The following COL2A1 variants were observed in gnomAD, a reference collection of about 807,000 sequenced individuals.
The protein encoded by COL2A1 is collagen alpha-1(II) chain.
In COL2A1, 28 loss-of-function variants were observed where a neutral mutation model predicts 204.5. That is an observed-to-expected ratio of 0.14 (90% CI 0.10 to 0.19). The LOEUF is 0.19. COL2A1 is among the 10% of genes least tolerant of loss of function. The pLI is 1.00. For synonymous variants in COL2A1, 708 were observed against 718.7 expected (o/e 0.99, Z 0.24); for missense variants, 1,388 against 2,027.5 (o/e 0.68, Z 6.06).
chr12:47,992,852 G>A, intron 16 of COL2A1, 26 bp downstream of exon 16: 1 of 1,613,078 alleles, frequency 6.2e-7, no homozygotes, highest in Non-Finnish European at 8.5e-7. Context: ...GGCAAATGGT[G>A]GTGTTTGGCT....
At chr12:47,986,736 T>C in intron 22 of COL2A1, 99 bp downstream of exon 22, 1 of 1,368,320 alleles carries the variant, frequency 7.3e-7, no homozygotes. Flanking sequence ...GATTGGGGGA[T>C]AGAGCCCTGG....
Position 47,984,031 on chromosome 12 carries a change from C to A in COL2A1, c.1941+56G>T. The A allele has an allele frequency of 2.0e-6, 3 of 1,489,606 alleles. No individual in the cohort carries two copies. In the South Asian group the frequency reaches 3.6e-5, roughly 18 times the overall value. The allele number at this position is 1,489,606 out of a possible 1,614,324, so 92.3% of individuals were successfully genotyped here. On this transcript the variant is annotated intron_variant, in intron 29 of 53. Transcript: ENST00000380518. The stretch of plus-strand genomic sequence containing the variant: ...ATTAATGGATGGGCTCTCCCACCCC[C>A]ACCCCTCCCAGCCCCTGCCCCCAGG...
At position 47,993,463 on chromosome 12, in the gene COL2A1, G is replaced by A. The variant is rs200696675; in HGVS notation, c.964C>T (p.Pro322Ser). The change falls in exon 15 of 54, where the codon CCA becomes TCA. Residue 322 changes from proline (P) to serine (S), a missense_variant. Coordinates refer to ENST00000380518, the MANE Select transcript of COL2A1 (RefSeq NM_001844.5). ...TGGAGGGTGTCCATACTTACCATTG[G>A]GCCCGGAGATCCGTTCTCACCCGGG... is the stretch of plus-strand genomic sequence containing the variant. ...GSPGENGSPG[P>S]MGPRGLPGER... 5.1e-5 allele frequency: 82 copies of A among 1,612,708 alleles called. No homozygotes were observed. Among genetic ancestry groups the A allele is most frequent in the Non-Finnish European group, 4.2e-5 (49 of 1,178,850 alleles).
At chr12:47,996,662 G>A (rs1939979634) in intron 7 of COL2A1, 37 bp from the exon 8 acceptor site, 1 of 1,563,472 alleles carries the variant, frequency 6.4e-7, no homozygotes, top group African/African-American at 1.4e-5. Flanking sequence ...AGGTTGAAAG[G>A]CACTAGGTCT....
intron 44 of COL2A1, 28 bp downstream of exon 44, chr12:47,977,982 G>A (rs761456730): frequency 7.5e-6 from 12 of 1,597,214 alleles, no homozygotes; most frequent in Non-Finnish European, 9.4e-6. Context: ...CCCCAATCAG[G>A]GCCACCCCAG....
chr12:48,004,194 G>A, intron 1 of COL2A1, 43 bp downstream of exon 1: 3 of 1,352,032 alleles, frequency 2.2e-6, no homozygotes, highest in Non-Finnish European at 1.0e-6. Flanking sequence ...GCTGAGGGAC[G>A]CATGGAAAGC....
intron 32 of COL2A1, 41 bp from the exon 33 acceptor site, chr12:47,982,987 G>T (rs372792172): frequency 2.6e-5 from 41 of 1,607,092 alleles, no homozygotes; most frequent in Non-Finnish European, 3.2e-5. Flanking sequence ...CAACAGCAGT[G>T]GGGGAGAAGG....
upstream of COL2A1, chr12:48,004,544 A>C: frequency 1.5e-5 from 7 of 471,824 alleles, no homozygotes; most frequent in East Asian, 4.0e-5. Context: ...ACTCGCCCAA[A>C]CCGCGGGCCG....
chr12:48,002,190 A>G (rs963742915), intron 1 of COL2A1, among the ~76,000 whole-genome samples: 3 of 152,142 alleles, frequency 2.0e-5, no homozygotes, highest in African/African-American at 7.2e-5. Flanking sequence ...CAATCTCCCA[A>G]TGCAAACAAG....
chr12:47,995,655 T>C (rs1459966399), intron 10 of COL2A1, 55 bp downstream of exon 10: 1 of 1,532,656 alleles, frequency 6.5e-7, no homozygotes, highest in Non-Finnish European at 9.0e-7. Context: ...GCGGTCCTAG[T>C]GGTCTATCAT....
At chr12:47,993,388 G>A in intron 15 of COL2A1, 70 bp downstream of exon 15, 1 of 1,165,286 alleles carries the variant, frequency 8.6e-7, no homozygotes, top group Non-Finnish European at 1.3e-6. Flanking sequence ...TGCACAAAGG[G>A]AGCTCTTTGC....
Position 47,984,206 on chromosome 12 carries a change from T to C in COL2A1, c.1888-66A>G, listed in dbSNP as rs542935131. On this transcript the variant is annotated intron_variant, in intron 28 of 53. Coordinates refer to ENST00000380518, the MANE Select transcript of COL2A1 (RefSeq NM_001844.5). ...CTTCCCACTTGCAGTCCCCCTAGGATTGGGCAAAGGTACTTCTGGCCCAGA... is the reference window on the plus strand; with the variant it reads ...CTTCCCACTTGCAGTCCCCCTAGGACTGGGCAAAGGTACTTCTGGCCCAGA... 9 of 1,478,316 alleles carry C rather than the reference T, an allele frequency of 6.1e-6. No individual in the cohort carries two copies. The African/African-American group carries it at 1.1e-4, about 18-fold the overall frequency. 91.6% of individuals were successfully genotyped at this position (1,478,316 alleles called of 1,614,324 possible).
chr12:47,985,624 C>A (rs770000160), intron 25 of COL2A1, 37 bp from the exon 26 acceptor site: 1 of 1,613,030 alleles, frequency 6.2e-7, no homozygotes, highest in South Asian at 1.1e-5. Context: ...GGGTCAGGAG[C>A]CGGCCCCAGG....
intron 9 of COL2A1, 37 bp from the exon 10 acceptor site, chr12:47,995,800 T>C (rs1939931439): frequency 1.9e-6 from 3 of 1,612,110 alleles, no homozygotes; most frequent in East Asian, 2.2e-5. Context: ...TCAATCCCTA[T>C]AAACTGCTAA....
intron 35 of COL2A1, 92 bp downstream of exon 35, chr12:47,982,015 C>A: frequency 7.2e-7 from 1 of 1,381,936 alleles, no homozygotes; most frequent in Admixed American, 1.7e-5. Context: ...CCAGGGACCC[C>A]AGTGGCAGAC....
chr12:47,982,776 G>T, intron 33 of COL2A1, 72 bp downstream of exon 33: 4 of 1,404,436 alleles, frequency 2.8e-6, no homozygotes, highest in Non-Finnish European at 4.0e-6. Context: ...TCCTGAGCCC[G>T]CTCCTCTTCT....
intron 17 of COL2A1, 61 bp from the exon 18 acceptor site, chr12:47,989,342 C>T (rs1793930): frequency 3.8e-6 from 5 of 1,319,246 alleles, no homozygotes; most frequent in Non-Finnish European, 5.4e-6. Context: ...CAAAGCGAGC[C>T]ACCCCGACAC....
chr12:47,980,451 C>T lies in COL2A1; in HGVS notation c.2625+103G>A, dbSNP rs973491440. On this transcript the variant is annotated intron_variant, in intron 39 of 53. Transcript: ENST00000380518. The surrounding 1 kb of genome is among the most constrained non-coding windows in gnomAD (Gnocchi z 4.5). Reference sequence around the variant, plus strand: ...CCTTCTACCAACATGGGGGTGTTCCCAGGCCTGCGAACCATCCTCTGCGCA... The same window carrying T: ...CCTTCTACCAACATGGGGGTGTTCCTAGGCCTGCGAACCATCCTCTGCGCA... 18 of 1,071,806 alleles carry T rather than the reference C, an allele frequency of 1.7e-5. No homozygotes were observed. Among genetic ancestry groups the T allele is most frequent in the Non-Finnish European group, 2.4e-5 (17 of 710,952 alleles). 66.4% of individuals were successfully genotyped at this position (1,071,806 alleles called of 1,614,324 possible). A position where few individuals can be genotyped will look rare whatever the true frequency, so the allele number is the denominator to read the frequency against.
intron 36 of COL2A1, 76 bp from the exon 37 acceptor site, chr12:47,981,472 G>C (rs1939077438): frequency 7.3e-7 from 1 of 1,366,530 alleles, no homozygotes; most frequent in Non-Finnish European, 1.0e-6. Flanking sequence ...AGTGCATTTG[G>C]GGGGCCTTGC....
Sources: allele counts gnomAD v4.1 joint callset (sites outside exome capture counted in the v4.1 genomes callset), GRCh38; gene constraint gnomAD v4.1.1; non-coding constraint Gnocchi (gnomAD v3.1); transcripts MANE v1.5; gene names NCBI Gene and HGNC (gene_info 2026-07-23, HGNC 2026-07-21).